Variants in RABGEF1 observed in about 807,000 individuals in gnomAD.
The protein encoded by RABGEF1 is rab5 GDP/GTP exchange factor.
A neutral mutation model predicts 57.3 loss-of-function variants in RABGEF1; 26 were observed. The observed-to-expected ratio is 0.45, with a 90% CI of 0.33 to 0.63. The LOEUF (loss-of-function observed/expected upper bound fraction) is 0.63, where lower values mean the gene tolerates loss of function less well. Among genes scored for constraint, RABGEF1 ranks in the 20% least tolerant of loss-of-function variants. The pLI is 0.02. For missense variants in RABGEF1, 464 were observed against 607.6 expected, an observed-to-expected ratio of 0.76 and a Z score of 2.48; for synonymous variants, 185 against 210.7, an observed-to-expected ratio of 0.88 and a Z score of 1.06.
intron 1 of RABGEF1, among the ~76,000 whole-genome samples, chr7:66,768,058 A>T (rs1251462613): frequency 1.3e-5 from 2 of 152,188 alleles, no homozygotes; most frequent in Non-Finnish European, 2.9e-5. Flanking sequence ...CATCACAAAT[A>T]TTGCTACTAT....
At chr7:66,675,732 A>C in the RABGEF1 span, among the ~76,000 whole-genome samples, 6 of 152,216 alleles carry the variant, frequency 3.9e-5, no homozygotes, top group Non-Finnish European at 8.8e-5. Context: ...CAGCAATGTA[A>C]TAGGATGCAA....
At chr7:66,790,540 G>T (rs1017191624) in intron 4 of RABGEF1, among the ~76,000 whole-genome samples, 1 of 152,210 alleles carries the variant, frequency 6.6e-6, no homozygotes, top group African/African-American at 2.4e-5. Context: ...CAAAAGTGAG[G>T]TTCAAGCATG....
chr7:66,744,116 A>G (rs1282495479), intron 1 of RABGEF1, among the ~76,000 whole-genome samples: 1 of 150,194 alleles, frequency 6.7e-6, no homozygotes, highest in Non-Finnish European at 1.5e-5. Flanking sequence ...GGCCACTGCA[A>G]CCTCTGCCTC....
At chr7:66,715,684 A>G (rs1239780989) in intron 2 of RABGEF1, among the ~76,000 whole-genome samples, 1 of 152,116 alleles carries the variant, frequency 6.6e-6, no homozygotes. Context: ...ATAATTTTAA[A>G]TTACAAACAG....
At chr7:66,772,702 A>T (rs1234973981) in intron 2 of RABGEF1, among the ~76,000 whole-genome samples, 1 of 152,136 alleles carries the variant, frequency 6.6e-6, no homozygotes, top group Non-Finnish European at 1.5e-5. Context: ...TGAGGTCAGG[A>T]GTTCGAGACC....
rs1041705937 is a variant in RABGEF1, at chr7:66,810,293, C to G, written c.*1009C>G. 6.6e-6 allele frequency: 1 copy of G among 152,168 alleles called. No individual in the cohort carries two copies. Among genetic ancestry groups the G allele is most frequent in the Non-Finnish European group, 1.5e-5 (1 of 68,032 alleles). 9.4% of individuals were successfully genotyped at this position (152,168 alleles called of 1,614,324 possible). ...ACCTCGGGACTATTCATATTAGTGG[C>G]CTGAGAGGTGTTTGTTGTGGGGCCA... On this transcript the variant is annotated 3_prime_UTR_variant, in exon 9 of 9. Transcript: ENST00000284957.
chr7:66,672,291 G>T, the RABGEF1 span, among the ~76,000 whole-genome samples: 1 of 151,866 alleles, frequency 6.6e-6, no homozygotes, highest in Non-Finnish European at 1.5e-5. Flanking sequence ...AATTAGCCGG[G>T]CGCGGTGGCG....
At chr7:66,769,535 A>G (rs1330554549) in intron 1 of RABGEF1, among the ~76,000 whole-genome samples, 1 of 152,226 alleles carries the variant, frequency 6.6e-6, no homozygotes, top group Non-Finnish European at 1.5e-5. Flanking sequence ...TTGTAAAAAT[A>G]AGAGTGAGGT....
chr7:66,790,325 G>A (rs192025202), intron 4 of RABGEF1, among the ~76,000 whole-genome samples: 59 of 152,286 alleles, frequency 3.9e-4, no homozygotes, highest in African/African-American at 1.2e-3. Flanking sequence ...ACCCTTATGC[G>A]CATGAGGTCT....
At chr7:66,701,420 G>T (rs1428156499) in intron 1 of RABGEF1, among the ~76,000 whole-genome samples, 10 of 151,874 alleles carry the variant, frequency 6.6e-5, no homozygotes, top group African/African-American at 2.4e-4. Flanking sequence ...GAGGATCTGA[G>T]CCCAGGAGGT....
intron 4 of RABGEF1, among the ~76,000 whole-genome samples, chr7:66,789,369 A>G (rs1260494316): frequency 3.3e-5 from 5 of 152,152 alleles, no homozygotes; most frequent in Admixed American, 6.5e-5. Context: ...TATAAGTCAT[A>G]AGGAAAAAAA....
chr7:66,744,541 G>T (rs1356063141), intron 1 of RABGEF1, among the ~76,000 whole-genome samples: 2 of 151,566 alleles, frequency 1.3e-5, no homozygotes, highest in Admixed American at 6.6e-5. Flanking sequence ...GGTGGCAGGC[G>T]CCTGTAGTCC....
At chr7:66,755,876 T>G in intron 1 of RABGEF1, 1 of 506,146 alleles carries the variant, frequency 2.0e-6, no homozygotes, top group East Asian at 3.3e-5. Context: ...AGGGAGTTGA[T>G]TATCATTTGG....
At chr7:66,759,288 G>C (rs1002509659) in intron 1 of RABGEF1, among the ~76,000 whole-genome samples, 1 of 152,174 alleles carries the variant, frequency 6.6e-6, no homozygotes, top group Non-Finnish European at 1.5e-5. Context: ...ATTAATAAAG[G>C]TTAGTTGTGC....
chr7:66,733,046 C>G (rs970436590), intron 2 of RABGEF1, among the ~76,000 whole-genome samples: 4 of 152,180 alleles, frequency 2.6e-5, no homozygotes, highest in African/African-American at 9.6e-5. Context: ...GTTCCAGCTC[C>G]TTAGCCGCGT....
intron 1 of RABGEF1, among the ~76,000 whole-genome samples, chr7:66,693,230 G>A (rs1791804227): frequency 6.6e-6 from 1 of 152,184 alleles, no homozygotes; most frequent in African/African-American, 2.4e-5. Flanking sequence ...AGTGTCCAGA[G>A]CCGGGCTGAA....
At chr7:66,668,376 C>T in the RABGEF1 span, among the ~76,000 whole-genome samples, 8 of 152,184 alleles carry the variant, frequency 5.3e-5, no homozygotes, top group Admixed American at 3.9e-4. Flanking sequence ...GGATTACAGC[C>T]GTGAGCCACC....
At chr7:66,669,945 A>C in the RABGEF1 span, 3 of 151,416 alleles carry the variant, frequency 2.0e-5, no homozygotes, top group Non-Finnish European at 4.4e-5. Context: ...CCCCTGTGTC[A>C]AGCCATCACC....
intron 1 of RABGEF1, among the ~76,000 whole-genome samples, chr7:66,687,890 A>T (rs1790924453): frequency 2.0e-5 from 3 of 152,138 alleles, no homozygotes; most frequent in Admixed American, 2.0e-4. Flanking sequence ...GTTCAAGACC[A>T]GCCTGACCAA....
Sources: allele counts gnomAD v4.1 joint callset (sites outside exome capture counted in the v4.1 genomes callset), GRCh38; gene constraint gnomAD v4.1.1; transcripts MANE v1.5; gene names NCBI Gene and HGNC (gene_info 2026-07-23, HGNC 2026-07-21).